Variants in RNF24 observed in about 807,000 individuals in gnomAD.
RNF24 encodes the protein ring finger protein 24.
Under a neutral mutation model 20.0 loss-of-function variants are expected in RNF24, and 14 were observed. That is an observed-to-expected ratio of 0.70 (90% CI 0.46 to 1.10). RNF24 has a LOEUF of 1.10. Among genes scored for constraint, RNF24 ranks in the 50% least tolerant of loss-of-function variants. The pLI is 0.00. For missense variants in RNF24, 124 were observed against 177.6 expected (o/e 0.70, Z 1.71); for synonymous variants, 45 against 61.1 (o/e 0.74, Z 1.23).
rs241601 is a variant in RNF24, at chr20:3,930,643, A to T, written c.*3420T>A. On this transcript the variant is annotated 3_prime_UTR_variant, in exon 6 of 6. Coordinates refer to ENST00000358395, the MANE Select transcript of RNF24 (RefSeq NM_001134337.3). The stretch of plus-strand genomic sequence containing the variant: ...CTGGGTATACTGCCCTGGATGTATC[A>T]GGATGTATTTCATAATGCCCAAAAA... 74,620 of 151,748 alleles carry T rather than the reference A, an allele frequency of 0.49. 19,429 individuals carry two copies. Among genetic ancestry groups the T allele is most frequent in the African/African-American group, 0.68 (28,036 of 41,290 alleles). 9.4% of individuals were successfully genotyped at this position (151,748 alleles called of 1,614,324 possible). A position where few individuals can be genotyped will look rare whatever the true frequency, so the allele number is the denominator to read the frequency against.
chr20:3,955,493 G>T (rs1294002305), intron 2 of RNF24, among the ~76,000 whole-genome samples: 1 of 152,122 alleles, frequency 6.6e-6, no homozygotes, highest in Non-Finnish European at 1.5e-5. Context: ...TGGTTTATAT[G>T]TCTATCTTTA....
Position 3,928,843 on chromosome 20 carries a change from C to G in RNF24, c.*5220G>C, listed in dbSNP as rs925640508. 6.8e-6 allele frequency: 1 copy of G among 146,170 alleles called. No individual in the cohort carries two copies. Among genetic ancestry groups the G allele is most frequent in the Non-Finnish European group, 1.5e-5 (1 of 66,700 alleles). 9.1% of individuals were successfully genotyped at this position (146,170 alleles called of 1,614,324 possible). A position where few individuals can be genotyped will look rare whatever the true frequency, so the allele number is the denominator to read the frequency against. On this transcript the variant is annotated 3_prime_UTR_variant, in exon 6 of 6. Transcript: ENST00000358395. ...CATAAAGGGAAAATTCTGTAGGAAG[C>G]ATTTTCTTTTCTTGTGTGTTTTTTT...
At chr20:3,969,596 G>A (rs1224920453) in intron 1 of RNF24, among the ~76,000 whole-genome samples, 5 of 151,032 alleles carry the variant, frequency 3.3e-5, no homozygotes, top group African/African-American at 1.2e-4. Flanking sequence ...TTTTAAACAA[G>A]AATTGCCCTA....
intron 4 of RNF24, among the ~76,000 whole-genome samples, chr20:3,940,812 T>C (rs2090946130): frequency 1.3e-5 from 2 of 152,146 alleles, no homozygotes; most frequent in African/African-American, 2.4e-5. Context: ...ACAAGAATAT[T>C]CTTCAGGAAT....
chr20:3,943,004 T>C (rs1398944706), intron 4 of RNF24, among the ~76,000 whole-genome samples: 2 of 151,438 alleles, frequency 1.3e-5, no homozygotes, highest in Non-Finnish European at 2.9e-5. Flanking sequence ...TTGGTAGAGA[T>C]GGAGTTTCAC....
At chr20:4,011,524 G>C (rs1007832191) in intron 1 of RNF24, among the ~76,000 whole-genome samples, 1 of 152,218 alleles carries the variant, frequency 6.6e-6, no homozygotes, top group African/African-American at 2.4e-5. Context: ...GTAGGAGAGA[G>C]GGGGCTCCAG....
chr20:3,933,895 A>G lies in RNF24; in HGVS notation c.*168T>C. 1 of 525,562 alleles carries G rather than the reference A, an allele frequency of 1.9e-6. No individual in the cohort carries two copies. Among genetic ancestry groups the G allele is most frequent in the Non-Finnish European group, 3.1e-6 (1 of 325,474 alleles). The allele number at this position is 525,562 out of a possible 1,614,324, so 32.6% of individuals were successfully genotyped here. ...GTGTCAAAGTGCTTTGGTTGTCACA[A>G]GACCCAGACACCTAGGTTCCCAGTT... On this transcript the variant is annotated 3_prime_UTR_variant, in exon 6 of 6. Coordinates refer to ENST00000358395, the MANE Select transcript of RNF24 (RefSeq NM_001134337.3).
Position 3,934,172 on chromosome 20 carries a change from T to C in RNF24, c.338A>G (p.Lys113Arg). 1 of 1,606,762 alleles carries C rather than the reference T, an allele frequency of 6.2e-7. No individual in the cohort carries two copies. The highest frequency in any genetic ancestry group is 8.5e-7 in the Non-Finnish European group (1 of 1,176,294). Residue 113 changes from lysine to arginine, a missense_variant, in exon 6 of 6, where the codon AAA becomes AGA. Coordinates refer to ENST00000358395, the MANE Select transcript of RNF24 (RefSeq NM_001134337.3). This position sits in a 1 kb window ranked among gnomAD's most constrained non-coding sequence, Gnocchi z 4.0. ...KCLIKWLEVR[K>R]VCPLCNMPVL... is the part of the protein sequence containing the mutation. ...TGGCATGTTGCACAGGGGACACACT[T>C]TACGAACCTCCAGCCACTTAATAAG...
At chr20:3,992,107 A>C (rs1980495963) in intron 1 of RNF24, among the ~76,000 whole-genome samples, 2 of 152,210 alleles carry the variant, frequency 1.3e-5, no homozygotes, top group Admixed American at 1.3e-4. Context: ...TGAGGATAAC[A>C]GAGATCTTAC....
chr20:3,998,574 C>CAAAAAAA (rs34012774), intron 1 of RNF24, among the ~76,000 whole-genome samples: 5 of 31,338 alleles, frequency 1.6e-4, no homozygotes, highest in African/African-American at 2.9e-4. Flanking sequence ...GACTCTATCT[C>CAAAAAAA]AAAAAAAAAA....
intron 2 of RNF24, among the ~76,000 whole-genome samples, chr20:3,958,080 T>C (rs908677361): frequency 6.6e-6 from 1 of 152,228 alleles, no homozygotes; most frequent in African/African-American, 2.4e-5. Flanking sequence ...TAAAGGGGGC[T>C]GTGATGTATG....
intron 1 of RNF24, among the ~76,000 whole-genome samples, chr20:4,006,490 C>T (rs1449139404): frequency 6.6e-6 from 1 of 152,128 alleles, no homozygotes; most frequent in African/African-American, 2.4e-5. Flanking sequence ...GCAAACCTCA[C>T]TTTAAGAAAA....
At chr20:4,012,353 G>A (rs1982525386) in intron 1 of RNF24, among the ~76,000 whole-genome samples, 1 of 151,530 alleles carries the variant, frequency 6.6e-6, no homozygotes, top group Non-Finnish European at 1.5e-5. Flanking sequence ...GGAGACGGAG[G>A]CTGCAGTCAG....
At chr20:3,942,221 TACAGTGGC>T (rs1213919019) in intron 4 of RNF24, among the ~76,000 whole-genome samples, 1 of 150,610 alleles carries the variant, frequency 6.6e-6, no homozygotes, top group African/African-American at 2.4e-5. Context: ...CAGGCTGGAG[TACAGTGGC>T]ACAACCTTGG....
chr20:3,996,226 A>G (rs1980854127), intron 1 of RNF24, among the ~76,000 whole-genome samples: 1 of 152,228 alleles, frequency 6.6e-6, no homozygotes, highest in South Asian at 2.1e-4. Context: ...CCAAACTCAC[A>G]AGAGGTTGGC....
rs867296085 is a variant in RNF24 at position 3,934,799 on chromosome 20, C to T, written c.308+195G>A. On this transcript the variant is annotated intron_variant, in intron 5 of 5. Coordinates refer to ENST00000358395, the MANE Select transcript of RNF24 (RefSeq NM_001134337.3). The surrounding 1 kb of genome is among the most constrained non-coding windows in gnomAD (Gnocchi z 4.0). ...GCCCATAGTCCTGACGTGGTGGTCA[C>T]GTTCCACCACTCTGCTGTCTCCTAA... Among the ~76,000 whole-genome samples, 143 of 152,218 alleles carry T rather than the reference C, an allele frequency of 9.4e-4. No homozygotes were observed. Among genetic ancestry groups the T allele is most frequent in the African/African-American group, 3.3e-3 (135 of 41,538 alleles).
intron 1 of RNF24, among the ~76,000 whole-genome samples, chr20:4,007,785 G>A (rs1982004838): frequency 6.6e-6 from 1 of 151,086 alleles, no homozygotes; most frequent in African/African-American, 2.4e-5. Context: ...GCATGCTGGT[G>A]TGTGCCTGTG....
Position 3,956,086 on chromosome 20 carries a change from T to G in RNF24, c.143+7789A>C, listed in dbSNP as rs554753204. ...GGATCATATCATCTGCAAATGGAGATAGTTACTTCTTTCTAGTTAGATGCC... is the reference window on the plus strand; with the variant it reads ...GGATCATATCATCTGCAAATGGAGAGAGTTACTTCTTTCTAGTTAGATGCC... On this transcript the variant is annotated intron_variant, in intron 2 of 5. Coordinates refer to ENST00000358395, the MANE Select transcript of RNF24 (RefSeq NM_001134337.3). 4.6e-5 allele frequency among the ~76,000 whole-genome samples: 7 copies of G among 152,240 alleles called. No individual in the cohort carries two copies. The East Asian group carries it at 1.4e-3, about 29-fold the overall frequency.
chr20:3,993,699 A>C (rs1980640077), intron 1 of RNF24, among the ~76,000 whole-genome samples: 1 of 152,194 alleles, frequency 6.6e-6, no homozygotes, highest in Non-Finnish European at 1.5e-5. Context: ...AAGTAAAAAC[A>C]ATTTCCGTGG....
Sources: gnomAD v4.1 joint callset for allele counts (sites outside exome capture counted in the v4.1 genomes callset) on GRCh38, gnomAD v4.1.1 for gene constraint, Gnocchi (gnomAD v3.1) non-coding constraint, MANE v1.5 for transcripts, NCBI Gene and HGNC (gene_info 2026-07-23, HGNC 2026-07-21) for gene names.